Variants in AGBL1 observed in about 807,000 individuals in gnomAD.
AGBL1 encodes the protein AGBL carboxypeptidase 1.
In AGBL1, 130 loss-of-function variants were observed where a neutral mutation model predicts 118.9. That is an observed-to-expected ratio of 1.09 (90% CI 0.95 to 1.26). The LOEUF (loss-of-function observed/expected upper bound fraction) is 1.26. AGBL1 is among the 50% of genes most tolerant of loss of function. The pLI is 0.00. For synonymous variants in AGBL1, 555 were observed against 478.9 expected (o/e 1.16, Z -2.08); for missense variants, 1,584 against 1,298.1 (o/e 1.22, Z -3.38).
intron 19 of AGBL1, among the ~76,000 whole-genome samples, chr15:86,540,896 T>C (rs747188696): frequency 3.3e-5 from 5 of 152,200 alleles, no homozygotes; most frequent in Non-Finnish European, 7.3e-5. Context: ...TGTTTATTCC[T>C]GCAGGTGAAT....
intron 21 of AGBL1, among the ~76,000 whole-genome samples, chr15:86,640,668 A>G (rs577096773): frequency 6.6e-6 from 1 of 152,282 alleles, no homozygotes; most frequent in East Asian, 1.9e-4. Flanking sequence ...CTTTCCTAAT[A>G]TGAATAAGAT....
At chr15:86,123,951 A>C (rs1346716527) in intron 1 of AGBL1, among the ~76,000 whole-genome samples, 2 of 152,222 alleles carry the variant, frequency 1.3e-5, no homozygotes, top group African/African-American at 4.8e-5. Flanking sequence ...ACCATATGCA[A>C]CATGGTAACT....
At chr15:86,899,299 A>G (rs968442890) in intron 22 of AGBL1, among the ~76,000 whole-genome samples, 5 of 152,158 alleles carry the variant, frequency 3.3e-5, no homozygotes, top group African/African-American at 1.2e-4. Context: ...AAAACCAAAT[A>G]CCACGTGTTA....
intron 17 of AGBL1, among the ~76,000 whole-genome samples, chr15:86,386,709 G>A (rs933274361): frequency 6.6e-6 from 1 of 151,958 alleles, no homozygotes; most frequent in African/African-American, 2.4e-5. Context: ...TCTGCTTTAA[G>A]TAAATACCCA....
chr15:86,980,884 C>CATTTTTTT, intron 23 of AGBL1, among the ~76,000 whole-genome samples: 1 of 121,514 alleles, frequency 8.2e-6, no homozygotes, highest in Non-Finnish European at 1.7e-5. Context: ...TCAGAAACAT[C>CATTTTTTT]CTTTTTTTTT....
At chr15:86,793,810 C>G (rs570452205) in intron 22 of AGBL1, among the ~76,000 whole-genome samples, 8 of 152,124 alleles carry the variant, frequency 5.3e-5, no homozygotes, top group African/African-American at 1.7e-4. Flanking sequence ...AGACTTTTTC[C>G]AAAGAAGATG....
intron 21 of AGBL1, among the ~76,000 whole-genome samples, chr15:86,617,552 G>A (rs1008933476): frequency 6.6e-6 from 1 of 152,094 alleles, no homozygotes; most frequent in African/African-American, 2.4e-5. Context: ...GCTACAAGTG[G>A]TATTGTCAAA....
At chr15:86,595,033 C>G (rs991178812) in intron 21 of AGBL1, among the ~76,000 whole-genome samples, 2 of 152,160 alleles carry the variant, frequency 1.3e-5, no homozygotes, top group African/African-American at 4.8e-5. Flanking sequence ...TTTCAGGACA[C>G]CACCTTTTCT....
At chr15:86,343,011 A>G (rs768684557) in intron 17 of AGBL1, among the ~76,000 whole-genome samples, 4 of 152,200 alleles carry the variant, frequency 2.6e-5, no homozygotes, top group Non-Finnish European at 5.9e-5. Flanking sequence ...AGATTGGCAT[A>G]TACAGATGAA....
chr15:86,476,669 G>C (rs904669364), intron 18 of AGBL1, among the ~76,000 whole-genome samples: 9 of 152,068 alleles, frequency 5.9e-5, no homozygotes, highest in African/African-American at 2.2e-4. Flanking sequence ...TGAGACAGAT[G>C]AATGAGACAG....
chr15:86,151,404 A>T (rs2077108603), intron 3 of AGBL1, among the ~76,000 whole-genome samples: 1 of 152,202 alleles, frequency 6.6e-6, no homozygotes, highest in Non-Finnish European at 1.5e-5. Context: ...AATCCATCAC[A>T]TAAACAGAAG....
At position 86,277,428 on chromosome 15, in the gene AGBL1, G is replaced by T. The variant is rs565490930; in HGVS notation, c.2076-2211G>T. ...TCCCTTAAATCTTGAGCCCATGGAA[G>T]CTCAAGAGCTAAGGATTAGCCCATT... is the stretch of plus-strand genomic sequence containing the variant. On this transcript the variant is annotated intron_variant, in intron 15 of 22. Transcript: ENST00000614907. 2.6e-5 allele frequency among the ~76,000 whole-genome samples: 4 copies of T among 152,186 alleles called. No individual in the cohort carries two copies. The East Asian group carries it at 7.7e-4, about 29-fold the overall frequency.
At chr15:86,172,415 C>T (rs1377472423) in intron 5 of AGBL1, among the ~76,000 whole-genome samples, 1 of 152,094 alleles carries the variant, frequency 6.6e-6, no homozygotes, top group Non-Finnish European at 1.5e-5. Flanking sequence ...TCGTTGTTAC[C>T]TATCATCACT....
At position 86,104,966 on chromosome 15, in the gene AGBL1, C is replaced by G. The variant is rs139617587; in HGVS notation, c.51+24943C>G. 5 of 152,248 alleles carry G rather than the reference C, an allele frequency of 3.3e-5. No individual in the cohort carries two copies. The East Asian group carries it at 5.8e-4, about 18-fold the overall frequency. 9.4% of individuals were successfully genotyped at this position (152,248 alleles called of 1,614,324 possible). ...GGACCACTGGGAGCCCCTTGCCTAC[C>G]CTTCCCTGCATTGGGGAGCCTCTCC... is the stretch of plus-strand genomic sequence containing the variant. On this transcript the variant is annotated intron_variant, in intron 1 of 22. Transcript: ENST00000614907.
chr15:86,803,815 C>T (rs2078682680), intron 22 of AGBL1, among the ~76,000 whole-genome samples: 1 of 152,102 alleles, frequency 6.6e-6, no homozygotes, highest in Non-Finnish European at 1.5e-5. Context: ...TGGGTTGTCA[C>T]AACTTGGGGC....
intron 18 of AGBL1, among the ~76,000 whole-genome samples, chr15:86,445,182 C>G (rs1214163080): frequency 1.3e-5 from 2 of 152,162 alleles, no homozygotes; most frequent in Non-Finnish European, 2.9e-5. Context: ...TGACTTGAAG[C>G]CCATCACCCT....
intron 21 of AGBL1, among the ~76,000 whole-genome samples, chr15:86,617,191 G>C (rs2084741247): frequency 6.6e-6 from 1 of 152,106 alleles, no homozygotes; most frequent in Non-Finnish European, 1.5e-5. Context: ...ACAATTTATT[G>C]ACCCTTTGAC....
At chr15:86,749,390 T>A (rs1381823370) in intron 22 of AGBL1, among the ~76,000 whole-genome samples, 1 of 152,172 alleles carries the variant, frequency 6.6e-6, no homozygotes, top group East Asian at 1.9e-4. Flanking sequence ...AAGTTGCTTA[T>A]CAGCTTAAGG....
rs759625341 is a variant in AGBL1, at chr15:86,266,469, C to G, written c.1751+12C>G. The G allele has an allele frequency of 5.2e-6, 8 of 1,548,854 alleles. No individual in the cohort carries two copies. Among genetic ancestry groups the G allele is most frequent in the Non-Finnish European group, 6.1e-6 (7 of 1,141,834 alleles). ...TTAGATGAGCCTTGGTAGGTAGTCT[C>G]GTGCATCTGAGGAAGGTGGGGCATG... On this transcript the variant is annotated intron_variant, in intron 12 of 22. Coordinates refer to ENST00000614907, the MANE Select transcript of AGBL1 (RefSeq NM_001386094.1).
Sources: gnomAD v4.1 joint callset for allele counts (sites outside exome capture counted in the v4.1 genomes callset) on GRCh38, gnomAD v4.1.1 for gene constraint, MANE v1.5 for transcripts, NCBI Gene and HGNC (gene_info 2026-07-23, HGNC 2026-07-21) for gene names.